MGMT: variants seen among roughly 807,000 people sequenced by gnomAD.
MGMT encodes O-6-methylguanine-DNA methyltransferase.
Under a neutral mutation model 15.9 loss-of-function variants are expected in MGMT, and 14 were observed. The ratio of observed to expected loss-of-function variants is 0.88; its 90% CI spans 0.58 to 1.37. The LOEUF (loss-of-function observed/expected upper bound fraction) is 1.37. Among genes scored for constraint, MGMT ranks in the 40% most tolerant of loss-of-function variants. MGMT has a pLI of 0.00. For missense variants in MGMT, 282 were observed against 268.1 expected, an observed-to-expected ratio of 1.05 and a Z score of -0.36; for synonymous variants, 130 against 118.2, an observed-to-expected ratio of 1.10 and a Z score of -0.65.
At chr10:129,698,383 T>C (rs1349342216) in intron 2 of MGMT, among the ~76,000 whole-genome samples, 2 of 152,188 alleles carry the variant, frequency 1.3e-5, no homozygotes, top group East Asian at 1.9e-4. Flanking sequence ...GAGAACTGTT[T>C]AATAATGCAC....
intron 2 of MGMT, among the ~76,000 whole-genome samples, chr10:129,585,796 C>T (rs1394188599): frequency 6.6e-6 from 1 of 152,186 alleles, no homozygotes; most frequent in Non-Finnish European, 1.5e-5. Flanking sequence ...TTTTCCTACA[C>T]ATACATCCCC....
intron 2 of MGMT, among the ~76,000 whole-genome samples, chr10:129,554,948 C>T (rs1331599343): frequency 6.6e-6 from 1 of 152,166 alleles, no homozygotes; most frequent in Non-Finnish European, 1.5e-5. Context: ...GCCTCAGTTT[C>T]CCCAGGTATC....
At chr10:129,742,397 G>A (rs1029891591) in intron 3 of MGMT, among the ~76,000 whole-genome samples, 1 of 152,254 alleles carries the variant, frequency 6.6e-6, no homozygotes, top group Non-Finnish European at 1.5e-5. Flanking sequence ...GCGCGACCCG[G>A]GGCGTTCAGC....
chr10:129,650,130 A>G (rs1264753605), intron 2 of MGMT, among the ~76,000 whole-genome samples: 1 of 152,096 alleles, frequency 6.6e-6, no homozygotes, highest in Non-Finnish European at 1.5e-5. Flanking sequence ...CTCATTCTTT[A>G]CTTCTGAGTG....
At chr10:129,502,473 G>A (rs1158619565) in intron 1 of MGMT, among the ~76,000 whole-genome samples, 2 of 151,982 alleles carry the variant, frequency 1.3e-5, no homozygotes, top group African/African-American at 2.4e-5. Context: ...TTTCTCTGTG[G>A]TATTTGCTTT....
Position 129,531,423 on chromosome 10 carries a change from C to T in MGMT, c.-12-4818C>T, listed in dbSNP as rs1223650364. On this transcript the variant is annotated intron_variant, in intron 1 of 4. Transcript: ENST00000651593. ...TCATGCTATTGAAACTCACTTTTCT[C>T]ACTGCCTGATTTCTGCCTTTTGTGG... Among the ~76,000 whole-genome samples the T allele has an allele frequency of 3.3e-5, 5 of 152,222 alleles. No individual in the cohort carries two copies. The East Asian group carries it at 9.7e-4, about 30-fold the overall frequency.
rs777737199 is a variant in MGMT, at chr10:129,770,494, C to T, written c.*3497C>T. ...CACGTCCCCTCCCGGTCTCATCTGC[C>T]GCTTGCTCACCTTGGCTGTCCATGC... On this transcript the variant is annotated 3_prime_UTR_variant, in exon 5 of 5. Transcript: ENST00000651593. 9.2e-5 allele frequency among the ~76,000 whole-genome samples: 14 copies of T among 152,326 alleles called. No individual in the cohort carries two copies. Among genetic ancestry groups the T allele is most frequent in the East Asian group, 7.8e-4 (4 of 5,160 alleles).
intron 2 of MGMT, among the ~76,000 whole-genome samples, chr10:129,628,311 G>A (rs1226398916): frequency 6.6e-6 from 1 of 152,138 alleles, no homozygotes; most frequent in Non-Finnish European, 1.5e-5. Context: ...TACATGTTTT[G>A]GAAAAAGTGG....
At position 129,770,434 on chromosome 10, in the gene MGMT, G is replaced by A. The variant is rs1269737175; in HGVS notation, c.*3437G>A. On this transcript the variant is annotated 3_prime_UTR_variant, in exon 5 of 5. Transcript: ENST00000651593. ...ATTTACGGATGTTGCTGTATCCCCT[G>A]ACCTGGCCTACAAGGACAGAACAGC... is the stretch of plus-strand genomic sequence containing the variant. 6.6e-6 allele frequency among the ~76,000 whole-genome samples: 1 copy of A among 152,180 alleles called. No homozygotes were observed. Among genetic ancestry groups the A allele is most frequent in the Non-Finnish European group, 1.5e-5 (1 of 68,032 alleles).
intron 2 of MGMT, among the ~76,000 whole-genome samples, chr10:129,573,818 G>C (rs745860768): frequency 6.6e-6 from 1 of 152,098 alleles, no homozygotes; most frequent in Non-Finnish European, 1.5e-5. Context: ...ATATGAAAGA[G>C]TATAAAATCT....
At chr10:129,481,929 T>G (rs1400271801) in intron 1 of MGMT, among the ~76,000 whole-genome samples, 1 of 152,190 alleles carries the variant, frequency 6.6e-6, no homozygotes, top group Non-Finnish European at 1.5e-5. Flanking sequence ...TGTTTATTAT[T>G]GCTTTCTTGT....
chr10:129,624,611 A>G (rs996849728), intron 2 of MGMT, among the ~76,000 whole-genome samples: 9 of 152,240 alleles, frequency 5.9e-5, no homozygotes, highest in African/African-American at 2.2e-4. Context: ...TACCTGATTT[A>G]TCCAAGGGAA....
chr10:129,484,734 A>G (rs1351918625), intron 1 of MGMT, among the ~76,000 whole-genome samples: 1 of 151,926 alleles, frequency 6.6e-6, no homozygotes, highest in Non-Finnish European at 1.5e-5. Context: ...ACAGTTTTGG[A>G]CTTTGTTCTG....
At chr10:129,518,232 G>A (rs1224848463) in intron 1 of MGMT, among the ~76,000 whole-genome samples, 1 of 151,846 alleles carries the variant, frequency 6.6e-6, no homozygotes, top group Non-Finnish European at 1.5e-5. Context: ...TCTTTCAGCA[G>A]CATTTCACTT....
At chr10:129,663,524 T>G (rs372251790) in intron 2 of MGMT, among the ~76,000 whole-genome samples, 2 of 152,118 alleles carry the variant, frequency 1.3e-5, no homozygotes, top group East Asian at 1.9e-4. Context: ...AAGCATTTAT[T>G]TAATCAGTAA....
rs369427648 is a variant in MGMT, at chr10:129,678,794, G to A, written c.126-29101G>A. Among the ~76,000 whole-genome samples, 5 of 152,270 alleles carry A rather than the reference G, an allele frequency of 3.3e-5. No individual in the cohort carries two copies. In the South Asian group the frequency reaches 6.2e-4, roughly 19 times the overall value. On this transcript the variant is annotated intron_variant, in intron 2 of 4. Coordinates refer to ENST00000651593, the MANE Select transcript of MGMT (RefSeq NM_002412.5). ...CCATAAGGGACTGTTAGGAAGAGCC[G>A]GGCATGGTGGCTCATGCCTGTGGTC...
At position 129,708,093 on chromosome 10, in the gene MGMT, T is replaced by G. The variant is rs773387713; in HGVS notation, c.274+50T>G. Reference sequence around the variant, plus strand: ...GTTTCCTTTGGGGAGCTTGACTTATTAACGATCGCTGACATCACAGTTCAT... The same window carrying G: ...GTTTCCTTTGGGGAGCTTGACTTATGAACGATCGCTGACATCACAGTTCAT... On this transcript the variant is annotated intron_variant, in intron 3 of 4. Coordinates refer to ENST00000651593, the MANE Select transcript of MGMT (RefSeq NM_002412.5). 1.9e-6 allele frequency: 3 copies of G among 1,561,296 alleles called. No individual in the cohort carries two copies. In the East Asian group the frequency reaches 6.8e-5, roughly 35 times the overall value.
At chr10:129,623,943 A>G (rs1847117706) in intron 2 of MGMT, among the ~76,000 whole-genome samples, 1 of 152,214 alleles carries the variant, frequency 6.6e-6, no homozygotes, top group African/African-American at 2.4e-5. Flanking sequence ...AGCCAAGGCG[A>G]TTGCCTGTGC....
At chr10:129,761,073 C>G (rs541213031) in intron 4 of MGMT, among the ~76,000 whole-genome samples, 1 of 152,304 alleles carries the variant, frequency 6.6e-6, no homozygotes, top group East Asian at 1.9e-4. Context: ...GCTGTCTTCT[C>G]CCCGGTTGTG....
Sources: allele counts gnomAD v4.1 joint callset (sites outside exome capture counted in the v4.1 genomes callset), GRCh38; gene constraint gnomAD v4.1.1; transcripts MANE v1.5; gene names NCBI Gene and HGNC (gene_info 2026-07-23, HGNC 2026-07-21).